ATF7IP: variants seen among roughly 807,000 people sequenced by gnomAD.
The protein encoded by ATF7IP is activating transcription factor 7 interacting protein, also known as activating transcription factor 7-interacting protein 1.
ATF7IP carries 23 observed loss-of-function variants against 106.4 expected under a neutral mutation model. The observed-to-expected ratio is 0.22, with a 90% CI of 0.16 to 0.31. The LOEUF (loss-of-function observed/expected upper bound fraction) is 0.31. Among genes scored for constraint, ATF7IP ranks in the 10% least tolerant of loss-of-function variants. ATF7IP has a pLI of 1.00. For synonymous variants in ATF7IP, 542 were observed against 539.0 expected, an observed-to-expected ratio of 1.01 and a Z score of -0.08; for missense variants, 1,334 against 1,524.3, an observed-to-expected ratio of 0.88 and a Z score of 2.08.
chr12:14,440,751 G>A (rs113851808), intron 5 of ATF7IP, among the ~76,000 whole-genome samples: 7,296 of 152,192 alleles, frequency 0.048, 188 homozygotes, highest in Non-Finnish European at 0.059. Flanking sequence ...GAAACGTTTT[G>A]CCCATTAAGC....
At chr12:14,386,582 T>C (rs1481889102) in intron 1 of ATF7IP, among the ~76,000 whole-genome samples, 4 of 152,168 alleles carry the variant, frequency 2.6e-5, no homozygotes, top group East Asian at 3.8e-4. Flanking sequence ...GGGATACTTA[T>C]GGTTTCTGCT....
intron 8 of ATF7IP, among the ~76,000 whole-genome samples, 158 bp downstream of exon 8, chr12:14,457,453 G>A (rs1323638493): frequency 6.6e-6 from 1 of 152,172 alleles, no homozygotes; most frequent in African/African-American, 2.4e-5. Context: ...AACTGGGTAT[G>A]GTGGCACATG....
chr12:14,422,716 C>T (rs1941601119), intron 1 of ATF7IP, among the ~76,000 whole-genome samples: 1 of 152,178 alleles, frequency 6.6e-6, no homozygotes, highest in South Asian at 2.1e-4. Flanking sequence ...CATGTAGTAG[C>T]ATGTTCAGTA....
chr12:14,460,928 A>T lies in ATF7IP; in HGVS notation c.2592A>T (p.Ala864=). 6.2e-7 allele frequency: 1 copy of T among 1,614,154 alleles called. No individual in the cohort carries two copies. ...SIQRNPTASA[A]PLGTTLAVQA... is the part of the protein sequence containing the mutation. The stretch of plus-strand genomic sequence containing the variant: ...AAAGGAACCCTACTGCCAGTGCTGC[A>T]CCATTGGGAACAACACTTGCTGTGC... Residue 864 remains alanine, a synonymous_variant, in exon 9 of 15, where the codon GCA becomes GCT. Coordinates refer to ENST00000261168, the MANE Select transcript of ATF7IP (RefSeq NM_018179.5).
intron 1 of ATF7IP, chr12:14,416,881 G>C: frequency 1.0e-6 from 1 of 982,390 alleles, no homozygotes; most frequent in Non-Finnish European, 1.2e-6. Flanking sequence ...TGAAGCAGCT[G>C]TTGATATATT....
chr12:14,454,134 C>T (rs1943324612), intron 6 of ATF7IP, among the ~76,000 whole-genome samples: 2 of 152,144 alleles, frequency 1.3e-5, no homozygotes, highest in African/African-American at 4.8e-5. Flanking sequence ...AGGGCTTCAC[C>T]AGTCAGCCTT....
chr12:14,446,971 T>TC lies in ATF7IP; in HGVS notation c.1930-17_1930-16insC. 1.3e-6 allele frequency: 1 copy of TC among 775,702 alleles called. No individual in the cohort carries two copies. The highest frequency in any genetic ancestry group is 1.6e-6 in the Non-Finnish European group (1 of 609,222). 48.1% of individuals were successfully genotyped at this position (775,702 alleles called of 1,614,324 possible). The stretch of plus-strand genomic sequence containing the variant: ...TATTTGATTTCCATTCATTTTTGTC[T>TC]TTTTTTTTTTTTTCAGGCCAAGATA... On this transcript the variant is annotated splice_polypyrimidine_tract_variant and intron_variant, in intron 5 of 14. Coordinates refer to ENST00000261168, the MANE Select transcript of ATF7IP (RefSeq NM_018179.5).
intron 2 of ATF7IP, among the ~76,000 whole-genome samples, chr12:14,432,434 C>T (rs572746675): frequency 2.0e-5 from 3 of 152,244 alleles, no homozygotes; most frequent in South Asian, 4.1e-4. Context: ...TTTTATTTCA[C>T]TGAAACTGAG....
chr12:14,480,245 T>C (rs578179342), intron 12 of ATF7IP, among the ~76,000 whole-genome samples: 2 of 152,314 alleles, frequency 1.3e-5, no homozygotes, highest in South Asian at 2.1e-4. Flanking sequence ...TTGTAAGATA[T>C]GATTCTAATT....
chr12:14,376,992 T>G (rs7307737), intron 1 of ATF7IP, among the ~76,000 whole-genome samples: 7,760 of 152,226 alleles, frequency 0.051, 675 homozygotes, highest in African/African-American at 0.18. Flanking sequence ...TTGTGTTTAT[T>G]TATTTGTTTG....
rs1192865789 is a variant in ATF7IP, at chr12:14,501,567, AATATGCCGAATACTGC to A, written c.*3498_*3513del. The A allele has an allele frequency of 3.3e-5, 5 of 152,200 alleles. No homozygotes were observed. The highest frequency in any genetic ancestry group is 1.2e-4 in the African/African-American group (5 of 41,456). 9.4% of individuals were successfully genotyped at this position (152,200 alleles called of 1,614,324 possible). ...TATTTCTCTGGACTCATTTTTAAAA[AATATGCCGAATACTGC>A]ATACTGTTTAAGGTAGTATATAAGT... On this transcript the variant is annotated 3_prime_UTR_variant, in exon 15 of 15. Transcript: ENST00000261168.
intron 2 of ATF7IP, among the ~76,000 whole-genome samples, chr12:14,426,419 T>A (rs1941847252): frequency 6.6e-6 from 1 of 151,382 alleles, no homozygotes. Flanking sequence ...CCATCTAATT[T>A]CTTCAAAGAA....
chr12:14,368,658 T>C (rs1376706550), intron 1 of ATF7IP, among the ~76,000 whole-genome samples: 2 of 152,122 alleles, frequency 1.3e-5, no homozygotes, highest in African/African-American at 4.8e-5. Flanking sequence ...CCACCATCAA[T>C]TAGATGGGTG....
chr12:14,391,254 A>G (rs542774517), intron 1 of ATF7IP, among the ~76,000 whole-genome samples: 1 of 152,212 alleles, frequency 6.6e-6, no homozygotes, highest in African/African-American at 2.4e-5. Flanking sequence ...AATCTTCATC[A>G]GTTTAGTGAA....
intron 1 of ATF7IP, among the ~76,000 whole-genome samples, chr12:14,366,709 T>C (rs957666555): frequency 1.3e-5 from 2 of 152,252 alleles, no homozygotes; most frequent in Non-Finnish European, 2.9e-5. Context: ...CAACTCATTT[T>C]CTTAGCATTT....
chr12:14,493,952 A>G (rs989795798), intron 13 of ATF7IP, among the ~76,000 whole-genome samples: 1 of 151,980 alleles, frequency 6.6e-6, no homozygotes, highest in African/African-American at 2.4e-5. Flanking sequence ...GCAACTGACC[A>G]GCTTCATTAT....
chr12:14,491,091 C>A (rs1565557090), intron 13 of ATF7IP, among the ~76,000 whole-genome samples: 1 of 152,186 alleles, frequency 6.6e-6, no homozygotes, highest in Non-Finnish European at 1.5e-5. Flanking sequence ...GCATCCCTCT[C>A]TGCCCCTCAC....
intron 1 of ATF7IP, among the ~76,000 whole-genome samples, chr12:14,392,674 G>A (rs1939625034): frequency 6.6e-6 from 1 of 152,198 alleles, no homozygotes; most frequent in South Asian, 2.1e-4. Context: ...TGTGAATGCT[G>A]TGGGGTAGGG....
chr12:14,369,754 A>G (rs1403479863), intron 1 of ATF7IP, among the ~76,000 whole-genome samples: 1 of 151,528 alleles, frequency 6.6e-6, no homozygotes, highest in Non-Finnish European at 1.5e-5. Context: ...GTGTGTTAAG[A>G]TAAGTTGCTA....
Sources: allele counts gnomAD v4.1 joint callset (sites outside exome capture counted in the v4.1 genomes callset), GRCh38; gene constraint gnomAD v4.1.1; transcripts MANE v1.5; gene names NCBI Gene and HGNC (gene_info 2026-07-23, HGNC 2026-07-21).